The following KCNN3 variants were observed in gnomAD, a reference collection of about 807,000 sequenced individuals.
The protein encoded by KCNN3 is small conductance calcium-activated potassium channel protein 3.
KCNN3 carries 16 observed loss-of-function variants against 62.9 expected under a neutral mutation model. The observed-to-expected ratio is 0.25, with a 90% CI of 0.17 to 0.39. KCNN3 has a LOEUF of 0.39. KCNN3 is among the 10% of genes least tolerant of loss of function. The pLI is 1.00. For synonymous variants in KCNN3, 370 were observed against 389.2 expected (o/e 0.95, Z 0.58); for missense variants, 599 against 949.4 (o/e 0.63, Z 4.85).
At chr1:154,777,524 C>T (rs1361628959) in intron 2 of KCNN3, among the ~76,000 whole-genome samples, 1 of 152,166 alleles carries the variant, frequency 6.6e-6, no homozygotes, top group African/African-American at 2.4e-5. Flanking sequence ...TGGGAAGGGA[C>T]ACCCTCTTAT....
At chr1:154,852,148 T>G (rs1652326180) in intron 1 of KCNN3, among the ~76,000 whole-genome samples, 1 of 152,208 alleles carries the variant, frequency 6.6e-6, no homozygotes, top group Non-Finnish European at 1.5e-5. Context: ...AAAAAGACAC[T>G]CCACTCTTTT....
At chr1:154,760,975 T>A (rs1473361181) in intron 3 of KCNN3, among the ~76,000 whole-genome samples, 1 of 152,142 alleles carries the variant, frequency 6.6e-6, no homozygotes, top group African/African-American at 2.4e-5. Context: ...TTAGAGAAAA[T>A]TATGTGTAAA....
At chr1:154,861,516 C>T (rs1319081920) in intron 1 of KCNN3, among the ~76,000 whole-genome samples, 1 of 152,162 alleles carries the variant, frequency 6.6e-6, no homozygotes, top group African/African-American at 2.4e-5. Context: ...TGCTCTATTC[C>T]CTACACACTC....
At chr1:154,841,857 G>A (rs1342628225) in intron 1 of KCNN3, among the ~76,000 whole-genome samples, 4 of 152,198 alleles carry the variant, frequency 2.6e-5, no homozygotes, top group East Asian at 1.9e-4. Context: ...TCATGGGATC[G>A]GCAGGTTCTG....
At chr1:154,839,964 G>C (rs971252494) in intron 1 of KCNN3, among the ~76,000 whole-genome samples, 1 of 152,174 alleles carries the variant, frequency 6.6e-6, no homozygotes, top group East Asian at 1.9e-4. Context: ...TCACAGAGCT[G>C]GGGGGAGGGG....
At chr1:154,786,589 C>T (rs1469344755) in intron 2 of KCNN3, among the ~76,000 whole-genome samples, 1 of 152,092 alleles carries the variant, frequency 6.6e-6, no homozygotes, top group East Asian at 1.9e-4. Context: ...AAAAAGCAAA[C>T]ACCAACACAT....
chr1:154,858,718 C>A (rs73011472), intron 1 of KCNN3, among the ~76,000 whole-genome samples: 2,048 of 151,898 alleles, frequency 0.013, 39 homozygotes, highest in African/African-American at 0.046. Context: ...GCTGAGTAGC[C>A]TCGGACAAGT....
intron 5 of KCNN3, among the ~76,000 whole-genome samples, chr1:154,725,101 G>C (rs988824626): frequency 6.6e-6 from 1 of 152,068 alleles, no homozygotes; most frequent in Non-Finnish European, 1.5e-5. Flanking sequence ...TGCTCCGCCC[G>C]CCTCGGCCTC....
intron 1 of KCNN3, among the ~76,000 whole-genome samples, chr1:154,861,831 A>G (rs1398788726): frequency 6.6e-6 from 1 of 152,244 alleles, no homozygotes; most frequent in African/African-American, 2.4e-5. Context: ...GCCTCGGCAC[A>G]GGAAGGGAGT....
At chr1:154,721,454 C>G (rs958405297) in intron 5 of KCNN3, among the ~76,000 whole-genome samples, 2 of 152,024 alleles carry the variant, frequency 1.3e-5, no homozygotes, top group African/African-American at 4.8e-5. Context: ...CACCCACCAC[C>G]ATGCCCGGCT....
At chr1:154,827,911 A>G (rs1018266995) in intron 1 of KCNN3, among the ~76,000 whole-genome samples, 1 of 152,194 alleles carries the variant, frequency 6.6e-6, no homozygotes, top group East Asian at 1.9e-4. Flanking sequence ...GTCAGCTAAC[A>G]GAATCCTGTT....
intron 1 of KCNN3, among the ~76,000 whole-genome samples, chr1:154,867,091 C>T (rs973885781): frequency 3.3e-5 from 5 of 152,214 alleles, no homozygotes; most frequent in African/African-American, 1.2e-4. Flanking sequence ...TTCCCCACAC[C>T]CCCCTTGCAT....
rs1456131978 is a variant in KCNN3 at position 154,809,475 on chromosome 1, A to G, written c.1029+12614T>C. 6.6e-6 allele frequency among the ~76,000 whole-genome samples: 1 copy of G among 152,194 alleles called. No individual in the cohort carries two copies. The highest frequency in any genetic ancestry group is 1.5e-5 in the Non-Finnish European group (1 of 68,024). The stretch of plus-strand genomic sequence containing the variant: ...CTTTTAAGATGAAAAAGATTTGCAA[A>G]TCCTTGAAGTTTCTTCTTTACTTCT... On this transcript the variant is annotated intron_variant, in intron 2 of 7. Coordinates refer to ENST00000271915, the MANE Select transcript of KCNN3 (RefSeq NM_002249.6). This position sits in a 1 kb window ranked among gnomAD's most constrained non-coding sequence, Gnocchi z 4.3.
chr1:154,700,538 G>A lies in KCNN3; in HGVS notation c.*7438C>T, dbSNP rs996967306. 3 of 152,284 alleles carry A rather than the reference G, an allele frequency of 2.0e-5. No individual in the cohort carries two copies. The highest frequency in any genetic ancestry group is 7.2e-5 in the African/African-American group (3 of 41,436). 9.4% of individuals were successfully genotyped at this position (152,284 alleles called of 1,614,324 possible). ...AACCAAAAGAAAAAAGCACTTACTG[G>A]GCCAGGCACAGTGGCTCACTTTGGG... On this transcript the variant is annotated 3_prime_UTR_variant, in exon 8 of 8. Coordinates refer to ENST00000271915, the MANE Select transcript of KCNN3 (RefSeq NM_002249.6).
chr1:154,790,217 C>G (rs1410601740), intron 2 of KCNN3, among the ~76,000 whole-genome samples: 2 of 152,192 alleles, frequency 1.3e-5, no homozygotes, highest in African/African-American at 4.8e-5. Flanking sequence ...AGGCGTGAGC[C>G]ACCATGCCCA....
At chr1:154,797,489 A>G (rs1191299176) in intron 2 of KCNN3, among the ~76,000 whole-genome samples, 1 of 152,072 alleles carries the variant, frequency 6.6e-6, no homozygotes, top group Admixed American at 6.5e-5. Context: ...TGAAGCTACA[A>G]CCCTAATTCA....
chr1:154,868,150 G>C (rs1280723075), intron 1 of KCNN3: 52 of 985,580 alleles, frequency 5.3e-5, no homozygotes, highest in Non-Finnish European at 6.1e-5. Flanking sequence ...GGCTGAGCTG[G>C]GGCGCGGGCT....
intron 3 of KCNN3, among the ~76,000 whole-genome samples, chr1:154,752,619 G>A (rs1647430797): frequency 1.3e-5 from 2 of 152,172 alleles, no homozygotes; most frequent in Non-Finnish European, 2.9e-5. Flanking sequence ...CCACAGAGGA[G>A]AACCTGTGTA....
chr1:154,719,724 C>G lies in KCNN3; in HGVS notation c.1702-4721G>C, dbSNP rs372887115. On this transcript the variant is annotated intron_variant, in intron 5 of 7. Transcript: ENST00000271915. The stretch of plus-strand genomic sequence containing the variant: ...GGGGCTGGTTCCTCTTTCCCATTTG[C>G]CAAGCCCACTCTCCCCTCATCACCA... 7.2e-5 allele frequency among the ~76,000 whole-genome samples: 11 copies of G among 152,238 alleles called. No individual in the cohort carries two copies. The East Asian group carries it at 1.9e-3, about 27-fold the overall frequency.
Sources: allele counts gnomAD v4.1 joint callset (sites outside exome capture counted in the v4.1 genomes callset), GRCh38; gene constraint gnomAD v4.1.1; non-coding constraint Gnocchi (gnomAD v3.1); transcripts MANE v1.5; gene names NCBI Gene and HGNC (gene_info 2026-07-23, HGNC 2026-07-21).